Variants in SLC2A9 observed in about 807,000 individuals in gnomAD.
SLC2A9 encodes solute carrier family 2, facilitated glucose transporter member 9.
Under a neutral mutation model 50.6 loss-of-function variants are expected in SLC2A9, and 39 were observed. The ratio of observed to expected loss-of-function variants is 0.77; its 90% CI spans 0.60 to 1.01. The LOEUF is 1.01. SLC2A9 is among the 50% of genes least tolerant of loss of function. SLC2A9 has a pLI of 0.00. For missense variants in SLC2A9, 686 were observed against 677.6 expected (o/e 1.01, Z -0.14); for synonymous variants, 324 against 276.9 (o/e 1.17, Z -1.69).
intron 4 of SLC2A9, among the ~76,000 whole-genome samples, chr4:9,985,444 C>T (rs566024562): frequency 4.6e-5 from 7 of 152,308 alleles, no homozygotes; most frequent in African/African-American, 7.2e-5. Flanking sequence ...GGGTAGACTG[C>T]GGACCCTGCC....
chr4:10,004,389 T>C (rs932733433), intron 2 of SLC2A9, among the ~76,000 whole-genome samples: 3 of 152,082 alleles, frequency 2.0e-5, no homozygotes, highest in African/African-American at 2.4e-5. Context: ...TGGGGCCATA[T>C]GACTACTTCT....
intron 10 of SLC2A9, among the ~76,000 whole-genome samples, chr4:9,868,737 G>A (rs1193020139): frequency 6.6e-6 from 1 of 152,178 alleles, no homozygotes; most frequent in African/African-American, 2.4e-5. Context: ...GCCCAGAGCA[G>A]AACTTCTCCC....
intron 10 of SLC2A9, among the ~76,000 whole-genome samples, chr4:9,853,277 C>T (rs182248268): frequency 2.0e-5 from 3 of 151,984 alleles, no homozygotes; most frequent in African/African-American, 4.8e-5. Context: ...CAGTGACACC[C>T]GTAGACTCAA....
At chr4:9,772,656 T>C (rs1222312388) in intron 1 of SLC2A9, among the ~76,000 whole-genome samples, 3 of 152,118 alleles carry the variant, frequency 2.0e-5, no homozygotes, top group Admixed American at 6.5e-5. Flanking sequence ...TAACAAGAAA[T>C]AAACACTTGT....
chr4:9,791,305 T>C (rs1167006386), intron 3 of SLC2A9, among the ~76,000 whole-genome samples: 5 of 152,244 alleles, frequency 3.3e-5, no homozygotes, highest in Non-Finnish European at 7.3e-5. Flanking sequence ...AGGAGACAGA[T>C]ATAGAGCTAA....
At chr4:9,795,135 C>T (rs1261868198), downstream of SLC2A9, among the ~76,000 whole-genome samples, 39 of 151,588 alleles carry the variant, frequency 2.6e-4, no homozygotes, top group South Asian at 1.0e-3. Flanking sequence ...CCTCAGCCTC[C>T]GAGTAGCTGG....
chr4:9,806,170 C>T (rs1160865824), intron 3 of SLC2A9, among the ~76,000 whole-genome samples: 1 of 152,256 alleles, frequency 6.6e-6, no homozygotes, highest in Non-Finnish European at 1.5e-5. Flanking sequence ...GGCCCCAAAA[C>T]TGGCCATAAA....
intron 10 of SLC2A9, among the ~76,000 whole-genome samples, chr4:9,853,558 T>C (rs764175537): frequency 8.5e-5 from 13 of 152,106 alleles, no homozygotes; most frequent in Non-Finnish European, 1.8e-4. Context: ...TAGCAGGAGA[T>C]GTCAACACCC....
chr4:9,892,901 A>G (rs1283114292), intron 8 of SLC2A9, among the ~76,000 whole-genome samples: 1 of 152,192 alleles, frequency 6.6e-6, no homozygotes, highest in Non-Finnish European at 1.5e-5. Flanking sequence ...AGCACCTACT[A>G]TGTGCCAAGC....
intron 6 of SLC2A9, among the ~76,000 whole-genome samples, chr4:9,924,601 T>A (rs1445925263): frequency 6.6e-6 from 1 of 152,136 alleles, no homozygotes; most frequent in Non-Finnish European, 1.5e-5. Context: ...TCCTTCCCTG[T>A]CCCATTTCCC....
intron 3 of SLC2A9, among the ~76,000 whole-genome samples, chr4:9,988,391 T>G (rs1000948634): frequency 6.6e-6 from 1 of 152,220 alleles, no homozygotes; most frequent in East Asian, 1.9e-4. Flanking sequence ...AATGTTAAAA[T>G]TATATGAAAG....
chr4:9,831,097 C>G (rs1726066735), intron 11 of SLC2A9, among the ~76,000 whole-genome samples: 1 of 152,044 alleles, frequency 6.6e-6, no homozygotes, highest in Non-Finnish European at 1.5e-5. Context: ...GAAGCCCAGG[C>G]TTCTTAGGGG....
At chr4:9,934,195 C>T (rs1200232471) in intron 6 of SLC2A9, among the ~76,000 whole-genome samples, 1 of 152,172 alleles carries the variant, frequency 6.6e-6, no homozygotes, top group Non-Finnish European at 1.5e-5. Context: ...ACAAAGGAAG[C>T]CATGAGATCT....
rs565023181 is a variant in SLC2A9 at position 9,931,190 on chromosome 4, C to T, written c.815-10618G>A. On this transcript the variant is annotated intron_variant, in intron 6 of 11. Coordinates refer to ENST00000264784, the MANE Select transcript of SLC2A9 (RefSeq NM_020041.3). Reference sequence around the variant, plus strand: ...TTAAAAATAGTTCATCCAAGCCCTACCCCCTGAATGCATGTTCCCCACATT... The same window carrying T: ...TTAAAAATAGTTCATCCAAGCCCTATCCCCTGAATGCATGTTCCCCACATT... Among the ~76,000 whole-genome samples the T allele has an allele frequency of 4.6e-5, 7 of 152,340 alleles. No homozygotes were observed. The South Asian group carries it at 1.5e-3, about 32-fold the overall frequency.
Position 9,986,262 on chromosome 4 carries a change from T to C in SLC2A9, c.411-469A>G, listed in dbSNP as rs1322213714. Among the ~76,000 whole-genome samples the C allele has an allele frequency of 2.6e-5, 4 of 152,126 alleles. No individual in the cohort carries two copies. In the South Asian group the frequency reaches 6.2e-4, roughly 24 times the overall value. Reference sequence around the variant, plus strand: ...ATGTGGTGCTGACACCTCAGGGGCATGGAGGAGGGCCCCGAAGACCTTTGA... The same window carrying C: ...ATGTGGTGCTGACACCTCAGGGGCACGGAGGAGGGCCCCGAAGACCTTTGA... On this transcript the variant is annotated intron_variant, in intron 3 of 11. Coordinates refer to ENST00000264784, the MANE Select transcript of SLC2A9 (RefSeq NM_020041.3).
intron 3 of SLC2A9, among the ~76,000 whole-genome samples, chr4:9,781,237 C>G (rs193019898): frequency 2.0e-5 from 3 of 152,268 alleles, no homozygotes; most frequent in Non-Finnish European, 4.4e-5. Context: ...TATGTAGGGC[C>G]CTTAAAGTCG....
chr4:9,825,637 G>C (rs1377693292), downstream of SLC2A9, among the ~76,000 whole-genome samples: 1 of 152,016 alleles, frequency 6.6e-6, no homozygotes, highest in Non-Finnish European at 1.5e-5. Context: ...GCAGTTATGA[G>C]AAAGTTAAGT....
intron 5 of SLC2A9, among the ~76,000 whole-genome samples, chr4:9,952,730 G>T (rs1034245300): frequency 1.3e-5 from 2 of 152,110 alleles, no homozygotes; most frequent in Non-Finnish European, 2.9e-5. Context: ...TCACCATGTT[G>T]CCCAGGCTGG....
intron 10 of SLC2A9, among the ~76,000 whole-genome samples, chr4:9,868,276 C>T (rs1254727700): frequency 6.6e-6 from 1 of 152,236 alleles, no homozygotes; most frequent in Non-Finnish European, 1.5e-5. Context: ...GTGTTCTGAC[C>T]TCAGAGTCGC....
Sources: gnomAD v4.1 joint callset for allele counts (sites outside exome capture counted in the v4.1 genomes callset) on GRCh38, gnomAD v4.1.1 for gene constraint, MANE v1.5 for transcripts, NCBI Gene and HGNC (gene_info 2026-07-23, HGNC 2026-07-21) for gene names.